The following RNASET2 variants were observed in gnomAD, a reference collection of about 807,000 sequenced individuals.
RNASET2 encodes ribonuclease T2, also known as ribonuclease 6.
RNASET2 carries 28 observed loss-of-function variants against 33.9 expected under a neutral mutation model. The ratio of observed to expected loss-of-function variants is 0.83; its 90% CI spans 0.61 to 1.13. The LOEUF (loss-of-function observed/expected upper bound fraction) is 1.13. RNASET2 is among the 50% of genes most tolerant of loss of function. The pLI is 0.00. For missense variants in RNASET2, 330 were observed against 319.9 expected, an observed-to-expected ratio of 1.03 and a Z score of -0.24; for synonymous variants, 123 against 121.0, an observed-to-expected ratio of 1.02 and a Z score of -0.11.
intron 4 of RNASET2, among the ~76,000 whole-genome samples, chr6:166,946,309 G>T (rs1224564143): frequency 6.6e-6 from 1 of 152,238 alleles, no homozygotes; most frequent in African/African-American, 2.4e-5. Flanking sequence ...ACACCGACCA[G>T]ATTCCCACGT....
chr6:166,955,239 GCACACACACGCACACACGCA>G (rs1779095109), intron 1 of RNASET2, among the ~76,000 whole-genome samples: 5 of 66,258 alleles, frequency 7.5e-5, no homozygotes, highest in Non-Finnish European at 8.2e-5. Context: ...ACGCACGCAC[GCACACACACGCACACACGCA>G]CACACACACA....
rs983005092 is a variant in RNASET2, at chr6:166,933,223, C to T, written c.492+868G>A. ...AAACATTTTCCGTAAAGGTCCACGT[C>T]GTAAATATCCCGGGATTTGTGGATG... On this transcript the variant is annotated intron_variant, in intron 7 of 8. Transcript: ENST00000508775. This position sits in a 1 kb window ranked among gnomAD's most constrained non-coding sequence, Gnocchi z 4.1. 3 of 152,158 alleles carry T rather than the reference C, an allele frequency of 2.0e-5. No homozygotes were observed. Among genetic ancestry groups the T allele is most frequent in the South Asian group, 4.1e-4 (2 of 4,826 alleles). The allele number at this position is 152,158 out of a possible 1,614,324, so 9.4% of individuals were successfully genotyped here.
Position 166,952,495 on chromosome 6 carries a change from A to C in RNASET2, c.140T>G (p.Val47Gly), listed in dbSNP as rs1478525897. ...LIMVQHWPET[V>G]CEKIQNDCRD... ...CAAGGCAGAAACACTCACCTCGCAT[A>C]CTGTCTCAGGCCAGTGCTGAACCAT... The change falls in exon 2 of 9, where the codon GTA becomes GGA. Residue 47 changes from valine to glycine, a missense_variant. Val to Gly is a moderately radical substitution (Grantham distance 109). Transcript: ENST00000508775. The C allele has an allele frequency of 1.2e-6, 2 of 1,613,814 alleles. No homozygotes were observed. Among genetic ancestry groups the C allele is most frequent in the Non-Finnish European group, 1.7e-6 (2 of 1,179,752 alleles).
At chr6:166,951,355 A>G (rs12205779) in intron 2 of RNASET2, among the ~76,000 whole-genome samples, 15,726 of 152,322 alleles carry the variant, frequency 0.1, 940 homozygotes, top group Non-Finnish European at 0.13. Context: ...TTAGGCCTCC[A>G]GATGGCTGTG....
chr6:166,935,634 T>G (rs1452118021), intron 6 of RNASET2, among the ~76,000 whole-genome samples: 1 of 152,226 alleles, frequency 6.6e-6, no homozygotes, highest in East Asian at 1.9e-4. Context: ...TCAGGTTTGC[T>G]GCCTTCATAT....
chr6:166,926,081 C>T lies in RNASET2; in HGVS notation c.*3507G>A, dbSNP rs1300960805. On this transcript the variant is annotated 3_prime_UTR_variant, in exon 9 of 9. Coordinates refer to ENST00000508775, the MANE Select transcript of RNASET2 (RefSeq NM_003730.6). ...CCCAGATGGGAGACTGAGGCTTGAA[C>T]TAAGTCAGTAATGAGAAGGATAAGC... Among the ~76,000 whole-genome samples the T allele has an allele frequency of 6.6e-6, 1 of 152,184 alleles. No individual in the cohort carries two copies. The highest frequency in any genetic ancestry group is 1.5e-5 in the Non-Finnish European group (1 of 68,044).
In RNASET2 at chr6:166,952,564, A is replaced by G. The variant is rs193191474; in HGVS notation, c.87-16T>C. On this transcript the variant is annotated splice_polypyrimidine_tract_variant and intron_variant, in intron 1 of 8. Coordinates refer to ENST00000508775, the MANE Select transcript of RNASET2 (RefSeq NM_003730.6). ...ATGGTTGTCACTGTTAAAACATAAG[A>G]AACTTATTTTTCAAGAACTTTTTTT... is the stretch of plus-strand genomic sequence containing the variant. 1 of 1,603,122 alleles carries G rather than the reference A, an allele frequency of 6.2e-7. No homozygotes were observed. The highest frequency in any genetic ancestry group is 2.2e-5 in the East Asian group (1 of 44,834).
intron 1 of RNASET2, 105 bp from the exon 2 acceptor site, chr6:166,952,653 T>C: frequency 1.1e-6 from 1 of 882,338 alleles, no homozygotes. Flanking sequence ...CACTGAGTGC[T>C]GTGGGAGGAG....
intron 6 of RNASET2, among the ~76,000 whole-genome samples, chr6:166,936,545 A>T (rs1262951268): frequency 6.6e-6 from 1 of 152,126 alleles, no homozygotes; most frequent in African/African-American, 2.4e-5. Flanking sequence ...GGCAAAGGGG[A>T]GCTGGTGTGT....
At chr6:166,943,379 C>A in intron 4 of RNASET2, 1 of 368,820 alleles carries the variant, frequency 2.7e-6, no homozygotes, top group South Asian at 2.2e-5. Flanking sequence ...AACCAATGAG[C>A]CGTCGAGTCA....
chr6:166,946,252 C>T (rs187884694), intron 4 of RNASET2, among the ~76,000 whole-genome samples: 47 of 152,382 alleles, frequency 3.1e-4, no homozygotes, highest in East Asian at 2.7e-3. Flanking sequence ...GGCCCCAGGC[C>T]TGTGCTCTCT....
intron 5 of RNASET2, 92 bp from the exon 6 acceptor site, chr6:166,939,100 G>T: frequency 1.1e-6 from 1 of 882,572 alleles, no homozygotes; most frequent in Non-Finnish European, 1.9e-6. Context: ...TTGGGAGGCT[G>T]AAGGGGGTGG....
intron 7 of RNASET2, 44 bp downstream of exon 7, chr6:166,934,047 C>G (rs761018044): frequency 4.6e-5 from 70 of 1,508,388 alleles, no homozygotes; most frequent in Non-Finnish European, 5.9e-5. Flanking sequence ...TACTGGAGGT[C>G]CCCGGGAGAG....
chr6:166,926,004 C>T lies in RNASET2; in HGVS notation c.*3584G>A, dbSNP rs777796768. ...TTGGTTACGGAGAGTGGCACAAACACGGTGCCAGCGTCCAGCACTGACAGT... is the reference window on the plus strand; with the variant it reads ...TTGGTTACGGAGAGTGGCACAAACATGGTGCCAGCGTCCAGCACTGACAGT... On this transcript the variant is annotated 3_prime_UTR_variant, in exon 9 of 9. Coordinates refer to ENST00000508775, the MANE Select transcript of RNASET2 (RefSeq NM_003730.6). 2.0e-5 allele frequency among the ~76,000 whole-genome samples: 3 copies of T among 152,144 alleles called. No individual in the cohort carries two copies. Among genetic ancestry groups the T allele is most frequent in the Non-Finnish European group, 2.9e-5 (2 of 68,036 alleles).
chr6:166,936,932 G>T (rs981470744), intron 6 of RNASET2, among the ~76,000 whole-genome samples: 1 of 152,192 alleles, frequency 6.6e-6, no homozygotes, highest in Non-Finnish European at 1.5e-5. Flanking sequence ...TAAATGAACT[G>T]GTTTATGGAG....
intron 8 of RNASET2, among the ~76,000 whole-genome samples, chr6:166,930,814 A>G (rs1036938819): frequency 1.4e-5 from 2 of 145,476 alleles, no homozygotes; most frequent in Non-Finnish European, 3.0e-5. Context: ...GTACACACAC[A>G]TGCACACATA....
At chr6:166,945,682 A>T (rs1185725269) in intron 4 of RNASET2, among the ~76,000 whole-genome samples, 1 of 151,740 alleles carries the variant, frequency 6.6e-6, no homozygotes, top group African/African-American at 2.4e-5. Context: ...AATACAAAAT[A>T]AGCCGGGCAT....
intron 2 of RNASET2, among the ~76,000 whole-genome samples, chr6:166,951,612 C>T (rs538429880): frequency 7.2e-5 from 11 of 152,360 alleles, no homozygotes; most frequent in Non-Finnish European, 1.3e-4. Context: ...CACTTCTCAC[C>T]GTGCCCCTTC....
At chr6:166,953,708 G>A (rs1022065949) in intron 1 of RNASET2, 3 of 152,254 alleles carry the variant, frequency 2.0e-5, no homozygotes, top group Non-Finnish European at 4.4e-5. Context: ...GCAACATGGT[G>A]AAACCCTGTC....
Sources: gnomAD v4.1 joint callset for allele counts (sites outside exome capture counted in the v4.1 genomes callset) on GRCh38, gnomAD v4.1.1 for gene constraint, Gnocchi (gnomAD v3.1) non-coding constraint, MANE v1.5 for transcripts, NCBI Gene and HGNC (gene_info 2026-07-23, HGNC 2026-07-21) for gene names.